Variants in TP53BP2 observed in about 807,000 individuals in gnomAD.
TP53BP2 encodes apoptosis-stimulating of p53 protein 2.
In TP53BP2, 62 loss-of-function variants were observed where a neutral mutation model predicts 126.2. The observed-to-expected ratio is 0.49, with a 90% CI of 0.40 to 0.61. The LOEUF is 0.61. Among genes scored for constraint, TP53BP2 ranks in the 20% least tolerant of loss-of-function variants. The probability of loss-of-function intolerance (pLI) is 0.00; values close to 1 mark genes in which losing one functional copy is unlikely to be tolerated. For missense variants in TP53BP2, 1,215 were observed against 1,402.8 expected, an observed-to-expected ratio of 0.87 and a Z score of 2.14; for synonymous variants, 485 against 502.9, an observed-to-expected ratio of 0.96 and a Z score of 0.48.
Position 223,800,021 on chromosome 1 carries a change from C to G in TP53BP2, c.1363G>C (p.Glu455Gln). The change falls in exon 11 of 18, where the codon GAG becomes CAG. Residue 455 changes from glutamate (E) to glutamine (Q), a missense_variant. Glu to Gln is a conservative substitution (Grantham distance 29). Transcript: ENST00000343537. ...QVDDGEVPLREKEKKVRPFSM... is the reference protein window; with the variant it reads ...QVDDGEVPLRQKEKKVRPFSM... ...AACGGACGCACTTTCTTCTCTTTCTCCCTCAGCGGAACCTCTCCATCATCA... is the reference window on the plus strand; with the variant it reads ...AACGGACGCACTTTCTTCTCTTTCTGCCTCAGCGGAACCTCTCCATCATCA... 1 of 1,611,370 alleles carries G rather than the reference C, an allele frequency of 6.2e-7. No homozygotes were observed.
intron 12 of TP53BP2, 27 bp downstream of exon 12, chr1:223,798,188 G>A (rs779559028): frequency 8.4e-5 from 134 of 1,588,676 alleles, no homozygotes; most frequent in South Asian, 3.0e-4. Context: ...ACTTAAGCAC[G>A]TCACCTATGA....
intron 3 of TP53BP2, among the ~76,000 whole-genome samples, chr1:223,812,385 T>A (rs1023426570): frequency 1.3e-5 from 2 of 150,978 alleles, no homozygotes; most frequent in African/African-American, 4.9e-5. Context: ...TTAATAAAAC[T>A]GAACTTTTTT....
In TP53BP2 at chr1:223,802,146, T is replaced by G. The variant is rs34478344; in HGVS notation, c.1195A>C (p.Met399Leu). 1 of 1,614,144 alleles carries G rather than the reference T, an allele frequency of 6.2e-7. No individual in the cohort carries two copies. Among genetic ancestry groups the G allele is most frequent in the Admixed American group, 1.7e-5 (1 of 60,028 alleles). ...GPMKIQTLPNMRSGAASQTKG... is the reference protein window; with the variant it reads ...GPMKIQTLPNLRSGAASQTKG... The stretch of plus-strand genomic sequence containing the variant: ...GTTTGTGAAGCAGCCCCAGATCTCA[T>G]GTTGGGCAGTGTCTGTATTTTCATC... Residue 399 changes from methionine to leucine, a missense_variant, in exon 9 of 18, where the codon ATG becomes CTG. By Grantham distance (15) the Met-to-Leu change is conservative. Around this residue, in one of 4 missense-constraint regions of TP53BP2, gnomAD observed 814 missense variants for 853.0 expected, o/e 0.95. Transcript: ENST00000343537.
Position 223,795,840 on chromosome 1 carries a change from A to G in TP53BP2, c.2699T>C (p.Ile900Thr). Residue 900 changes from isoleucine (I) to threonine (T), a missense_variant, in exon 13 of 18, where the codon ATC (isoleucine) becomes ACC (threonine). By Grantham distance (89) the Ile-to-Thr change is moderately conservative. This residue lies in a region of TP53BP2 where 204 missense variants were observed against 225.7 expected (regional missense o/e 0.90). Transcript: ENST00000343537. Reference sequence around the variant, plus strand: ...AGGAGGCAGAGAGACCTGCCCGGTGATTTCAGGCGGGCGCATGCTCACCGA... The same window carrying G: ...AGGAGGCAGAGAGACCTGCCCGGTGGTTTCAGGCGGGCGCATGCTCACCGA... ...EDSVSMRPPE[I>T]TGQVSLPPGK... The G allele has an allele frequency of 6.4e-7, 1 of 1,556,036 alleles. No homozygotes were observed. Among genetic ancestry groups the G allele is most frequent in the Non-Finnish European group, 8.7e-7 (1 of 1,151,870 alleles).
chr1:223,835,875 G>C (rs1396974906), intron 1 of TP53BP2, among the ~76,000 whole-genome samples: 1 of 152,030 alleles, frequency 6.6e-6, no homozygotes, highest in African/African-American at 2.4e-5. Flanking sequence ...GAACTTCCTG[G>C]TGAAAGTACA....
Position 223,814,336 on chromosome 1 carries a change from T to C in TP53BP2, c.193A>G (p.Asn65Asp), listed in dbSNP as rs1418937416. Residue 65 changes from asparagine to aspartate, a missense_variant, in exon 3 of 18, where the codon AAT becomes GAT. Transcript: ENST00000343537. ...WCGSERPVAD[N>D]ERMFDVLQRF... ...TGAAGAACATCAAACATTCGCTCATTATCCGCAACTGGACGTTCTAAAGCA... is the reference window on the plus strand; with the variant it reads ...TGAAGAACATCAAACATTCGCTCATCATCCGCAACTGGACGTTCTAAAGCA... 1.2e-6 allele frequency: 2 copies of C among 1,613,290 alleles called. No individual in the cohort carries two copies. The highest frequency in any genetic ancestry group is 1.1e-5 in the South Asian group (1 of 91,068).
intron 1 of TP53BP2, among the ~76,000 whole-genome samples, chr1:223,838,899 T>C (rs1664012003): frequency 6.6e-6 from 1 of 151,944 alleles, no homozygotes; most frequent in Non-Finnish European, 1.5e-5. Context: ...AGATGTTTCC[T>C]TTGCCCAGGG....
rs183821063 is a variant in TP53BP2 at position 223,780,100 on chromosome 1, G to A, written c.*753C>T. Reference sequence around the variant, plus strand: ...ACCAGTAAACAGCTAGCATCAAAAAGTTTATTACAACTGTTTTTAAAGTCA... The same window carrying A: ...ACCAGTAAACAGCTAGCATCAAAAAATTTATTACAACTGTTTTTAAAGTCA... On this transcript the variant is annotated 3_prime_UTR_variant, in exon 18 of 18. Coordinates refer to ENST00000343537, the MANE Select transcript of TP53BP2 (RefSeq NM_001031685.3). The A allele has an allele frequency of 6.6e-6, 1 of 152,242 alleles. No individual in the cohort carries two copies. The highest frequency in any genetic ancestry group is 2.4e-5 in the African/African-American group (1 of 41,532). 9.4% of individuals were successfully genotyped at this position (152,242 alleles called of 1,614,324 possible). A position where few individuals can be genotyped will look rare whatever the true frequency, so the allele number is the denominator to read the frequency against.
chr1:223,791,043 T>C (rs1662138891), intron 15 of TP53BP2, among the ~76,000 whole-genome samples: 1 of 152,226 alleles, frequency 6.6e-6, no homozygotes, highest in East Asian at 1.9e-4. Context: ...AAGAATTTGT[T>C]TTCTTTATGC....
chr1:223,783,153 G>T (rs1053360037), intron 17 of TP53BP2, among the ~76,000 whole-genome samples: 1 of 152,172 alleles, frequency 6.6e-6, no homozygotes, highest in Admixed American at 6.5e-5. Context: ...ATGTCCATCC[G>T]ACACTTGATG....
At chr1:223,807,785 T>G (rs1558098121) in intron 4 of TP53BP2, among the ~76,000 whole-genome samples, 1 of 152,086 alleles carries the variant, frequency 6.6e-6, no homozygotes, top group Non-Finnish European at 1.5e-5. Flanking sequence ...CAAAAACTGC[T>G]GAAAGAAAAT....
In TP53BP2 at chr1:223,792,560, T is replaced by C. The variant is rs371725632; in HGVS notation, c.2863-38A>G. On this transcript the variant is annotated intron_variant, in intron 14 of 17. Coordinates refer to ENST00000343537, the MANE Select transcript of TP53BP2 (RefSeq NM_001031685.3). ...GAAGGGTGAGCATCACTCTAGTTTC[T>C]TGTCACCTGAACTGTCACTACTAAC... The C allele has an allele frequency of 1.9e-6, 3 of 1,608,878 alleles. No homozygotes were observed. The African/African-American group carries it at 4.0e-5, about 22-fold the overall frequency.
At position 223,802,887 on chromosome 1, in the gene TP53BP2, G is replaced by A. The variant is rs1190353328; in HGVS notation, c.840C>T (p.Asn280=). Residue 280 remains asparagine (N), a synonymous_variant, in exon 8 of 18, where the codon AAC becomes AAT. Coordinates refer to ENST00000343537, the MANE Select transcript of TP53BP2 (RefSeq NM_001031685.3). The part of the protein sequence containing the change: ...DRLYKELQLR[N]KLNQEQNAKL... ...TGGCATTCTGCTCTTGATTCAATTTGTTTCTTAGCTGAATAAAAGAGAGGG... is the reference window on the plus strand; with the variant it reads ...TGGCATTCTGCTCTTGATTCAATTTATTTCTTAGCTGAATAAAAGAGAGGG... The A allele has an allele frequency of 6.2e-7, 1 of 1,613,880 alleles. No homozygotes were observed. The highest frequency in any genetic ancestry group is 8.5e-7 in the Non-Finnish European group (1 of 1,180,018).
chr1:223,802,732 G>A lies in TP53BP2; in HGVS notation c.995C>T (p.Pro332Leu). The A allele has an allele frequency of 6.2e-7, 1 of 1,613,970 alleles. No homozygotes were observed. Among genetic ancestry groups the A allele is most frequent in the African/African-American group, 1.3e-5 (1 of 75,024 alleles). ...KAALQQKENL[P>L]VSSDGNLPQQ... ...ACCATTACAAAACGGCCCACTTACT[G>A]GTAGATTTTCTTTTTGCTGTAGAGC... The change falls in exon 8 of 18, where the codon CCA becomes CTA. Residue 332 changes from proline (P) to leucine (L), a missense_variant and splice_region_variant. Pro to Leu is a moderately conservative substitution (Grantham distance 98). Around this residue, in one of 4 missense-constraint regions of TP53BP2, gnomAD observed 814 missense variants for 853.0 expected, o/e 0.95. Transcript: ENST00000343537.
chr1:223,802,085 AG>A, intron 9 of TP53BP2, 30 bp downstream of exon 9: 1 of 1,589,062 alleles, frequency 6.3e-7, no homozygotes, highest in Non-Finnish European at 8.6e-7. Context: ...TAGTGGGGAC[AG>A]GAAGAACTAG....
intron 15 of TP53BP2, among the ~76,000 whole-genome samples, chr1:223,790,386 A>AT (rs1359043508): frequency 6.6e-6 from 1 of 151,696 alleles, no homozygotes; most frequent in Non-Finnish European, 1.5e-5. Flanking sequence ...GCAAAACCCC[A>AT]TCTCTACTAA....
chr1:223,785,238 T>C (rs937325112), intron 16 of TP53BP2, among the ~76,000 whole-genome samples: 10 of 152,236 alleles, frequency 6.6e-5, no homozygotes, highest in Admixed American at 5.9e-4. Flanking sequence ...TTTCAACTTA[T>C]GTGAGCACTA....
chr1:223,844,152 T>C (rs982315645), intron 1 of TP53BP2, among the ~76,000 whole-genome samples: 1 of 152,146 alleles, frequency 6.6e-6, no homozygotes, highest in Non-Finnish European at 1.5e-5. Context: ...AAAGCTGGTG[T>C]AAGTGCCATC....
intron 1 of TP53BP2, among the ~76,000 whole-genome samples, 157 bp downstream of exon 1, chr1:223,845,497 T>C (rs1346340159): frequency 6.6e-6 from 1 of 152,118 alleles, no homozygotes; most frequent in Non-Finnish European, 1.5e-5. Flanking sequence ...GAGCCTCCCC[T>C]TCCTGAAACC....
Sources: gnomAD v4.1 joint callset for allele counts (sites outside exome capture counted in the v4.1 genomes callset) on GRCh38, gnomAD v4.1.1 for gene constraint, gnomAD v4.1.1 regional missense constraint, MANE v1.5 for transcripts, NCBI Gene and HGNC (gene_info 2026-07-23, HGNC 2026-07-21) for gene names.